The following TGFBR3 variants were observed in gnomAD, a reference collection of about 807,000 sequenced individuals.
TGFBR3 encodes transforming growth factor beta receptor 3.
Under a neutral mutation model 87.9 loss-of-function variants are expected in TGFBR3, and 46 were observed. The observed-to-expected ratio is 0.52, with a 90% CI of 0.41 to 0.67. TGFBR3 has a LOEUF of 0.67. Ranked by LOEUF, TGFBR3 falls within the 30% of genes least tolerant of loss-of-function variation. The pLI is 0.00. For missense variants in TGFBR3, 866 were observed against 1,041.9 expected (o/e 0.83, Z 2.32); for synonymous variants, 381 against 391.6 (o/e 0.97, Z 0.32).
At chr1:91,846,275 A>G (rs755272938) in intron 2 of TGFBR3, among the ~76,000 whole-genome samples, 4 of 152,206 alleles carry the variant, frequency 2.6e-5, no homozygotes, top group Admixed American at 6.5e-5. Flanking sequence ...CAAATAATCT[A>G]ACAATTAATT....
In TGFBR3 at chr1:91,748,722, G is replaced by GTATTATTATTAT. The variant is rs56351917; in HGVS notation, c.384+9879_384+9890dup. Among the ~76,000 whole-genome samples the GTATTATTATTAT allele has an allele frequency of 5.9e-4, 87 of 148,602 alleles. 1 individual carries two copies. The highest frequency in any genetic ancestry group is 3.5e-3 in the Middle Eastern group (1 of 282). ...AGGTCCCCATTTACCATTCTGGAAAGTATTATTATTATTATTATTATTATT... is the reference window on the plus strand; with the variant it reads ...AGGTCCCCATTTACCATTCTGGAAAGTATTATTATTATTATTATTATTATTATTATTATTATT... On this transcript the variant is annotated intron_variant, in intron 4 of 16. Transcript: ENST00000212355.
Position 91,794,063 on chromosome 1 carries a change from C to T in TGFBR3, c.246+3224G>A, listed in dbSNP as rs546168511. Among the ~76,000 whole-genome samples, 7 of 152,214 alleles carry T rather than the reference C, an allele frequency of 4.6e-5. No homozygotes were observed. The South Asian group carries it at 1.2e-3, about 27-fold the overall frequency. The stretch of plus-strand genomic sequence containing the variant: ...CTAATTAGCATGTCAGCAGGTCAAA[C>T]GGTTTTTTTAAATAGTTTCATTGAG... On this transcript the variant is annotated intron_variant, in intron 3 of 16. Transcript: ENST00000212355.
At chr1:91,698,674 A>G (rs1405988157) in intron 14 of TGFBR3, among the ~76,000 whole-genome samples, 4 of 151,818 alleles carry the variant, frequency 2.6e-5, no homozygotes, top group Non-Finnish European at 5.9e-5. Flanking sequence ...GCTAATTTTT[A>G]TATTTCTTGT....
chr1:91,719,441 G>T lies in TGFBR3; in HGVS notation c.1437C>A (p.Asp479Glu). ...SFQASGYSGM[D>E]VTLLDPTCKA... ...TGCAGGTAGGATCCAACAGGGTGAC[G>T]TCCATCCCCGAGTAGCCACTGGCCT... Residue 479 changes from aspartate to glutamate, a missense_variant, in exon 10 of 17, where the codon GAC becomes GAA. Physicochemically the swap from Asp to Glu is conservative, Grantham distance 45 (BLOSUM62 2). Transcript: ENST00000212355. The T allele has an allele frequency of 6.2e-7, 1 of 1,614,116 alleles. No individual in the cohort carries two copies. Among genetic ancestry groups the T allele is most frequent in the Non-Finnish European group, 8.5e-7 (1 of 1,180,014 alleles).
At chr1:91,880,865 T>C (rs181510891) in intron 1 of TGFBR3, among the ~76,000 whole-genome samples, 1 of 149,864 alleles carries the variant, frequency 6.7e-6, no homozygotes, top group East Asian at 1.9e-4. Context: ...ATACATATTA[T>C]ATATTATACA....
rs1427022575 is a variant in TGFBR3, at chr1:91,835,703, C to CT, written c.61+25767dup. On this transcript the variant is annotated intron_variant, in intron 2 of 16. Transcript: ENST00000212355. ...ATTAGCCGGGCGTGGTGGCGGATGC[C>CT]TGTAGTCCCAGCTACTGGGGAGGCT... Among the ~76,000 whole-genome samples the CT allele has an allele frequency of 1.3e-4, 20 of 151,894 alleles. 1 individual carries two copies. The East Asian group carries it at 3.9e-3, about 30-fold the overall frequency.
chr1:91,891,319 G>T (rs1162653422), intron 2 of TGFBR3, among the ~76,000 whole-genome samples: 1 of 151,690 alleles, frequency 6.6e-6, no homozygotes, highest in East Asian at 1.9e-4. Context: ...GCAATGTGGT[G>T]AAACCCAGTC....
intron 4 of TGFBR3, among the ~76,000 whole-genome samples, chr1:91,753,532 T>C (rs2100879115): frequency 6.6e-6 from 1 of 152,282 alleles, no homozygotes; most frequent in Admixed American, 6.5e-5. Context: ...GTGTGGTATA[T>C]TCACCACTAT....
At position 91,729,865 on chromosome 1, in the gene TGFBR3, T is replaced by C. The variant is rs1160041810; in HGVS notation, c.677A>G (p.Gln226Arg). The change falls in exon 6 of 17, where the codon CAG becomes CGG. Residue 226 changes from glutamine to arginine, a missense_variant. Transcript: ENST00000212355. Reference sequence around the variant, plus strand: ...GATGTGTACTTCCTCATTCTGGGGCTGGCTGGACATCACACACCCTTCTGC... The same window carrying C: ...GATGTGTACTTCCTCATTCTGGGGCCGGCTGGACATCACACACCCTTCTGC... The part of the protein sequence containing the change: ...KAAEGCVMSS[Q>R]PQNEEVHIIE... 1 of 1,614,230 alleles carries C rather than the reference T, an allele frequency of 6.2e-7. No individual in the cohort carries two copies. Among genetic ancestry groups the C allele is most frequent in the South Asian group, 1.1e-5 (1 of 91,084 alleles).
At chr1:91,752,859 CA>C (rs201221771) in intron 4 of TGFBR3, among the ~76,000 whole-genome samples, 99 of 145,376 alleles carry the variant, frequency 6.8e-4, no homozygotes, top group Admixed American at 1.4e-3. Flanking sequence ...CCCATCTTTA[CA>C]AAAAAAAAAG....
chr1:91,900,492 A>C (rs1679688724), intron 1 of TGFBR3, among the ~76,000 whole-genome samples: 1 of 152,262 alleles, frequency 6.6e-6, no homozygotes, highest in South Asian at 2.1e-4. Context: ...TTTTAACAAC[A>C]GTAACACTTA....
rs1048543317 is a variant in TGFBR3, at chr1:91,683,616, T to C, written c.*123A>G. 5.0e-6 allele frequency: 4 copies of C among 800,460 alleles called. No homozygotes were observed. In the East Asian group the frequency reaches 1.1e-4, roughly 21 times the overall value. 49.6% of individuals were successfully genotyped at this position (800,460 alleles called of 1,614,324 possible). ...TTTATACTGAAATTCACTCTGTCTTTACAAGGGAACCAAAATCCAGCCCTC... is the reference window on the plus strand; with the variant it reads ...TTTATACTGAAATTCACTCTGTCTTCACAAGGGAACCAAAATCCAGCCCTC... On this transcript the variant is annotated 3_prime_UTR_variant, in exon 17 of 17. Coordinates refer to ENST00000212355, the MANE Select transcript of TGFBR3 (RefSeq NM_003243.5).
chr1:91,700,106 C>G (rs1051397879), intron 14 of TGFBR3, among the ~76,000 whole-genome samples: 2 of 152,184 alleles, frequency 1.3e-5, no homozygotes, highest in Non-Finnish European at 2.9e-5. Context: ...CATGCTGTAA[C>G]AGCAGCGTTG....
In TGFBR3 at chr1:91,682,530, A is replaced by C. The variant is rs776629862; in HGVS notation, c.*1209T>G. 8.8e-6 allele frequency: 4 copies of C among 452,364 alleles called. No homozygotes were observed. The highest frequency in any genetic ancestry group is 6.2e-5 in the South Asian group (4 of 64,416). 28.0% of individuals were successfully genotyped at this position (452,364 alleles called of 1,614,324 possible). A position where few individuals can be genotyped will look rare whatever the true frequency, so the allele number is the denominator to read the frequency against. On this transcript the variant is annotated 3_prime_UTR_variant, in exon 17 of 17. Coordinates refer to ENST00000212355, the MANE Select transcript of TGFBR3 (RefSeq NM_003243.5). ...CTTTTTGACATATTAAATATATGGG[A>C]TATATTTAAGGCAAGAGAAGTAAGG...
intron 2 of TGFBR3, among the ~76,000 whole-genome samples, chr1:91,809,470 G>T (rs1312701206): frequency 1.3e-5 from 2 of 152,138 alleles, no homozygotes; most frequent in African/African-American, 4.8e-5. Flanking sequence ...GGCAGAAGGG[G>T]GAAACCACAA....
intron 3 of TGFBR3, among the ~76,000 whole-genome samples, chr1:91,773,880 G>A (rs1428993094): frequency 2.0e-5 from 3 of 152,210 alleles, no homozygotes; most frequent in Non-Finnish European, 4.4e-5. Context: ...TTCAACAAGT[G>A]AAAATGTCTT....
chr1:91,690,698 T>A (rs2810889), intron 16 of TGFBR3, among the ~76,000 whole-genome samples: 138,134 of 152,050 alleles, frequency 0.91, 62,921 homozygotes, highest in South Asian at 0.94. Flanking sequence ...AGTTTATTTT[T>A]ATCAGTGCCC....
At chr1:91,806,462 AC>A (rs2101028498) in intron 2 of TGFBR3, among the ~76,000 whole-genome samples, 1 of 150,792 alleles carries the variant, frequency 6.6e-6, no homozygotes, top group Non-Finnish European at 1.5e-5. Flanking sequence ...TGCAACATGG[AC>A]AAAAATACTG....
intron 12 of TGFBR3, among the ~76,000 whole-genome samples, chr1:91,713,787 A>G (rs1672070000): frequency 6.6e-6 from 1 of 152,158 alleles, no homozygotes; most frequent in African/African-American, 2.4e-5. Flanking sequence ...CTTCTGAAAA[A>G]CAAGATATTC....
Sources: gnomAD v4.1 joint callset for allele counts (sites outside exome capture counted in the v4.1 genomes callset) on GRCh38, gnomAD v4.1.1 for gene constraint, MANE v1.5 for transcripts, NCBI Gene and HGNC (gene_info 2026-07-23, HGNC 2026-07-21) for gene names.